Variants in ASTN2 observed in about 807,000 individuals in gnomAD.
ASTN2 encodes astrotactin 2, also known as astrotactin-2.
Under a neutral mutation model 139.8 loss-of-function variants are expected in ASTN2, and 54 were observed. The observed-to-expected ratio is 0.39, with a 90% CI of 0.31 to 0.48. The LOEUF is 0.48. Among genes scored for constraint, ASTN2 ranks in the 20% least tolerant of loss-of-function variants. ASTN2 has a pLI of 0.95. For missense variants in ASTN2, 1,565 were observed against 1,725.1 expected, an observed-to-expected ratio of 0.91 and a Z score of 1.64; for synonymous variants, 756 against 719.5, an observed-to-expected ratio of 1.05 and a Z score of -0.81.
intron 3 of ASTN2, among the ~76,000 whole-genome samples, chr9:117,184,089 T>G (rs1831140049): frequency 6.6e-6 from 1 of 152,136 alleles, no homozygotes; most frequent in Non-Finnish European, 1.5e-5. Context: ...GAAGAAGGTG[T>G]AGAGACCTCA....
intron 16 of ASTN2, chr9:116,697,538 A>G: frequency 1.5e-6 from 1 of 655,978 alleles, no homozygotes; most frequent in Non-Finnish European, 2.6e-6. Context: ...ATAGACCTCA[A>G]TAAAATAGTT....
Position 116,603,870 on chromosome 9 carries a change from G to C in ASTN2, c.3355+14454C>G, listed in dbSNP as rs374890544. 3.3e-4 allele frequency among the ~76,000 whole-genome samples: 50 copies of C among 152,334 alleles called. No individual in the cohort carries two copies. In the East Asian group the frequency reaches 6.6e-3, roughly 20 times the overall value. On this transcript the variant is annotated intron_variant, in intron 19 of 22. Transcript: ENST00000313400. ...TGGTGACAGGGAGGGAGAAAGATCA[G>C]CTTGGGAGTGATCTCCAGGCGAGGG...
intron 13 of ASTN2, among the ~76,000 whole-genome samples, chr9:116,740,016 A>G (rs544120115): frequency 6.0e-4 from 91 of 152,340 alleles, no homozygotes; most frequent in African/African-American, 2.0e-3. Flanking sequence ...TCCTGAGTGC[A>G]TACATACTCT....
intron 10 of ASTN2, among the ~76,000 whole-genome samples, chr9:116,935,864 G>A (rs979028145): frequency 2.2e-4 from 33 of 151,982 alleles, no homozygotes; most frequent in Non-Finnish European, 8.8e-5. Context: ...TACCATCTCA[G>A]CCCACTAAAT....
At chr9:117,025,481 C>T (rs984155017) in intron 6 of ASTN2, among the ~76,000 whole-genome samples, 2 of 152,106 alleles carry the variant, frequency 1.3e-5, no homozygotes, top group African/African-American at 4.8e-5. Flanking sequence ...AGTCCACTGC[C>T]CAGCACATTA....
intron 4 of ASTN2, among the ~76,000 whole-genome samples, chr9:117,105,041 C>T (rs1414554221): frequency 6.6e-6 from 1 of 152,056 alleles, no homozygotes; most frequent in African/African-American, 2.4e-5. Flanking sequence ...TCCCACTCCT[C>T]CCTGTGGGAT....
intron 4 of ASTN2, among the ~76,000 whole-genome samples, chr9:117,124,007 G>C (rs1364459258): frequency 3.3e-5 from 5 of 152,104 alleles, no homozygotes; most frequent in African/African-American, 1.2e-4. Context: ...TTGTTGAATT[G>C]CATCGAATTT....
intron 10 of ASTN2, among the ~76,000 whole-genome samples, chr9:116,963,670 C>T (rs1291692789): frequency 6.6e-6 from 1 of 152,160 alleles, no homozygotes; most frequent in Non-Finnish European, 1.5e-5. Flanking sequence ...GATGAAAGAA[C>T]TTGGGGCTTT....
At chr9:116,683,695 G>T (rs376234342) in intron 16 of ASTN2, among the ~76,000 whole-genome samples, 11 of 152,090 alleles carry the variant, frequency 7.2e-5, no homozygotes, top group African/African-American at 2.7e-4. Context: ...TTTAACAAAT[G>T]AGTAAAAAAT....
intron 6 of ASTN2, among the ~76,000 whole-genome samples, chr9:117,026,205 C>G (rs1304085231): frequency 6.6e-6 from 1 of 151,918 alleles, no homozygotes; most frequent in Non-Finnish European, 1.5e-5. Context: ...TGTAACAGTC[C>G]CTAGTTTTTG....
chr9:116,729,501 G>C (rs1425561463), intron 14 of ASTN2, among the ~76,000 whole-genome samples: 4 of 152,172 alleles, frequency 2.6e-5, no homozygotes, highest in African/African-American at 9.7e-5. Flanking sequence ...AGAAGTGGGA[G>C]CCCTCTGGTA....
At chr9:116,831,047 A>G (rs911434516) in intron 11 of ASTN2, among the ~76,000 whole-genome samples, 2 of 152,136 alleles carry the variant, frequency 1.3e-5, no homozygotes, top group African/African-American at 4.8e-5. Context: ...TTGCAGCAAC[A>G]TGGATAGAAC....
chr9:116,903,453 C>A (rs974744879), intron 10 of ASTN2, among the ~76,000 whole-genome samples: 4 of 152,168 alleles, frequency 2.6e-5, no homozygotes, highest in Non-Finnish European at 4.4e-5. Flanking sequence ...CTCACACGTA[C>A]CTCTTGCAAT....
chr9:116,697,552 A>T, intron 16 of ASTN2: 1 of 707,834 alleles, frequency 1.4e-6, no homozygotes, highest in Non-Finnish European at 2.3e-6. Flanking sequence ...AATAGTTGTT[A>T]AGTAAGGGAA....
chr9:116,567,804 C>A (rs1052014199), intron 19 of ASTN2, among the ~76,000 whole-genome samples: 2 of 152,130 alleles, frequency 1.3e-5, no homozygotes, highest in Non-Finnish European at 2.9e-5. Flanking sequence ...AACTGTACTG[C>A]CTGCCAGGCT....
chr9:117,085,563 G>C (rs1360386581), intron 5 of ASTN2, among the ~76,000 whole-genome samples: 1 of 152,140 alleles, frequency 6.6e-6, no homozygotes, highest in African/African-American at 2.4e-5. Context: ...CCAAATACCA[G>C]GCCCCCTTTG....
At chr9:116,536,375 C>T (rs1002933711) in intron 19 of ASTN2, among the ~76,000 whole-genome samples, 1 of 152,128 alleles carries the variant, frequency 6.6e-6, no homozygotes, top group Non-Finnish European at 1.5e-5. Flanking sequence ...CTTTCTCCGT[C>T]CAGCTTTGTT....
intron 17 of ASTN2, among the ~76,000 whole-genome samples, chr9:116,620,854 C>T (rs982509281): frequency 1.3e-5 from 2 of 152,166 alleles, no homozygotes; most frequent in Non-Finnish European, 2.9e-5. Flanking sequence ...TAGGATACAA[C>T]CCAAGGCAAT....
At chr9:117,036,130 G>T (rs1165417338) in intron 6 of ASTN2, among the ~76,000 whole-genome samples, 1 of 152,098 alleles carries the variant, frequency 6.6e-6, no homozygotes, top group Non-Finnish European at 1.5e-5. Flanking sequence ...ATGAGACTCA[G>T]ATAGCTAACT....
Sources: allele counts gnomAD v4.1 joint callset (sites outside exome capture counted in the v4.1 genomes callset), GRCh38; gene constraint gnomAD v4.1.1; transcripts MANE v1.5; gene names NCBI Gene and HGNC (gene_info 2026-07-23, HGNC 2026-07-21).